SPATA13: variants seen among roughly 807,000 people sequenced by gnomAD.
SPATA13 encodes spermatogenesis associated 13.
SPATA13 carries 50 observed loss-of-function variants against 104.0 expected under a neutral mutation model. The observed-to-expected ratio is 0.48, with a 90% CI of 0.38 to 0.61. The LOEUF (loss-of-function observed/expected upper bound fraction) is 0.61. Among genes scored for constraint, SPATA13 ranks in the 20% least tolerant of loss-of-function variants. The pLI, the probability that SPATA13 is intolerant of heterozygous loss-of-function variation, is 0.00. For missense variants in SPATA13, 1,524 were observed against 1,690.6 expected (o/e 0.90, Z 1.73); for synonymous variants, 606 against 667.5 (o/e 0.91, Z 1.42).
chr13:24,040,997 C>T (rs1340929020), intron 3 of SPATA13, among the ~76,000 whole-genome samples: 1 of 152,202 alleles, frequency 6.6e-6, no homozygotes, highest in African/African-American at 2.4e-5. Context: ...TGGTGGGTCA[C>T]ATGGTTACAG....
At chr13:24,116,276 C>T (rs1880834316) in intron 3 of SPATA13, among the ~76,000 whole-genome samples, 1 of 152,220 alleles carries the variant, frequency 6.6e-6, no homozygotes, top group African/African-American at 2.4e-5. Context: ...AGCAAATGAG[C>T]TCTCAGGCAC....
chr13:24,126,970 GT>G (rs1274302313), intron 3 of SPATA13, among the ~76,000 whole-genome samples: 3 of 152,176 alleles, frequency 2.0e-5, no homozygotes, highest in South Asian at 2.1e-4. Context: ...ACAAAAATGG[GT>G]TTAAATCCTT....
intron 3 of SPATA13, among the ~76,000 whole-genome samples, chr13:24,128,596 G>A (rs1196769185): frequency 2.0e-5 from 3 of 152,022 alleles, no homozygotes; most frequent in Non-Finnish European, 4.4e-5. Flanking sequence ...CCACAGCCAC[G>A]CCGGGCCCCA....
intron 3 of SPATA13, among the ~76,000 whole-genome samples, chr13:24,054,466 T>C (rs887758498): frequency 1.3e-5 from 2 of 152,190 alleles, no homozygotes; most frequent in Non-Finnish European, 2.9e-5. Flanking sequence ...TCCAATTTAG[T>C]GTTAGGGGAA....
intron 3 of SPATA13, among the ~76,000 whole-genome samples, chr13:24,072,201 C>T (rs984983759): frequency 6.6e-6 from 1 of 152,116 alleles, no homozygotes; most frequent in Non-Finnish European, 1.5e-5. Context: ...CCTAGACATA[C>T]AGAACAAACA....
Position 24,189,997 on chromosome 13 carries a change from TATA to T in SPATA13, c.-112+29072_-112+29074del, listed in dbSNP as rs1257741322. On this transcript the variant is annotated intron_variant, in intron 1 of 12. Coordinates refer to ENST00000382108, the MANE Select transcript of SPATA13 (RefSeq NM_001166271.3). The stretch of plus-strand genomic sequence containing the variant: ...ATATTATATAAATAATTATATAACA[TATA>T]ATAATATATTATTATATAACATAAT... 1.3e-3 allele frequency among the ~76,000 whole-genome samples: 13 copies of T among 9,722 alleles called. 3 individuals are homozygous for T. Among genetic ancestry groups the T allele is most frequent in the Admixed American group, 8.4e-3 (2 of 238 alleles). 6.4% of individuals were successfully genotyped at this position (9,722 alleles called of 152,430 possible).
intron 1 of SPATA13, among the ~76,000 whole-genome samples, chr13:24,186,502 G>A (rs893779410): frequency 3.9e-5 from 6 of 152,116 alleles, no homozygotes; most frequent in Non-Finnish European, 7.4e-5. Context: ...TCCCAGAAAC[G>A]AATAAAAATA....
chr13:24,177,530 G>C (rs1868508290), intron 1 of SPATA13, among the ~76,000 whole-genome samples: 1 of 152,170 alleles, frequency 6.6e-6, no homozygotes, highest in Non-Finnish European at 1.5e-5. Context: ...TGCAATCGTA[G>C]TTCACTGGAG....
chr13:24,147,615 A>G (rs1200236116), intron 3 of SPATA13, among the ~76,000 whole-genome samples: 1 of 152,192 alleles, frequency 6.6e-6, no homozygotes, highest in Non-Finnish European at 1.5e-5. Context: ...AAAAACTTGT[A>G]GTAAATATAC....
At chr13:24,168,556 T>C (rs1410077674) in intron 1 of SPATA13, among the ~76,000 whole-genome samples, 1 of 150,478 alleles carries the variant, frequency 6.6e-6, no homozygotes, top group Non-Finnish European at 1.5e-5. Context: ...GGGGAAACTT[T>C]TGTATCGCAG....
rs9580926 is a variant in SPATA13, at chr13:24,300,703, G to C, written c.3658+228G>C. ...GGAATGTGGGCATAGGAAACCTTCA[G>C]AGGGGCTGCTGGAGGGTGGTGGACC... On this transcript the variant is annotated intron_variant, in intron 12 of 12. Coordinates refer to ENST00000382108, the MANE Select transcript of SPATA13 (RefSeq NM_001166271.3). 843 of 542,112 alleles carry C rather than the reference G, an allele frequency of 1.6e-3. 3 individuals carry two copies. Among genetic ancestry groups the C allele is most frequent in the African/African-American group, 0.015 (766 of 52,692 alleles). The allele number at this position is 542,112 out of a possible 1,614,324, so 33.6% of individuals were successfully genotyped here.
At chr13:24,029,802 T>G (rs747041657) in intron 3 of SPATA13, among the ~76,000 whole-genome samples, 5 of 152,028 alleles carry the variant, frequency 3.3e-5, no homozygotes, top group Non-Finnish European at 5.9e-5. Context: ...TAGGCCCCAG[T>G]GTGTGTTGTT....
At chr13:24,061,082 C>G (rs1036420660) in intron 3 of SPATA13, among the ~76,000 whole-genome samples, 1 of 152,082 alleles carries the variant, frequency 6.6e-6, no homozygotes, top group East Asian at 1.9e-4. Flanking sequence ...AGACACTTTT[C>G]AAAAGAGGAC....
At chr13:24,209,164 A>G (rs1311910904) in intron 1 of SPATA13, among the ~76,000 whole-genome samples, 1 of 152,154 alleles carries the variant, frequency 6.6e-6, no homozygotes, top group Non-Finnish European at 1.5e-5. Context: ...TGTACTCAGG[A>G]CAAGCCGATT....
intron 3 of SPATA13, among the ~76,000 whole-genome samples, chr13:24,124,369 G>A (rs941326799): frequency 6.6e-6 from 1 of 152,168 alleles, no homozygotes; most frequent in Non-Finnish European, 1.5e-5. Context: ...GGAGCAGGTT[G>A]CTGAAAGCTC....
Position 24,089,315 on chromosome 13 carries a change from A to C in SPATA13, c.-112+71614A>C, listed in dbSNP as rs186799213. Reference sequence around the variant, plus strand: ...GACCATATTTGCATGGGACCCCCCCACACACCACTCGGACCACATTCTCAC... The same window carrying C: ...GACCATATTTGCATGGGACCCCCCCCCACACCACTCGGACCACATTCTCAC... On this transcript the variant is annotated intron_variant, in intron 3 of 14. Transcript: ENST00000424834. Among the ~76,000 whole-genome samples, 478 of 152,242 alleles carry C rather than the reference A, an allele frequency of 3.1e-3. 3 individuals carry two copies. The highest frequency in any genetic ancestry group is 3.0e-3 in the Non-Finnish European group (207 of 68,018).
intron 2 of SPATA13, among the ~76,000 whole-genome samples, chr13:23,989,159 C>T (rs1244016120): frequency 6.6e-6 from 1 of 152,146 alleles, no homozygotes; most frequent in African/African-American, 2.4e-5. Context: ...CGCGGTGGCT[C>T]ATGCCTGTAA....
chr13:24,026,728 C>T (rs1395708362), intron 3 of SPATA13, among the ~76,000 whole-genome samples: 2 of 152,094 alleles, frequency 1.3e-5, no homozygotes, highest in African/African-American at 2.4e-5. Flanking sequence ...CAGGTGCCCG[C>T]CACCACGTCC....
intron 2 of SPATA13, among the ~76,000 whole-genome samples, chr13:23,987,048 C>A (rs966523204): frequency 3.9e-5 from 4 of 103,628 alleles, no homozygotes; most frequent in East Asian, 7.4e-4. Flanking sequence ...TGTTACTACT[C>A]CACATGGGGC....
Sources: gnomAD v4.1 joint callset for allele counts (sites outside exome capture counted in the v4.1 genomes callset) on GRCh38, gnomAD v4.1.1 for gene constraint, MANE v1.5 for transcripts, NCBI Gene and HGNC (gene_info 2026-07-23, HGNC 2026-07-21) for gene names.